Variants in DACH1 observed in about 807,000 individuals in gnomAD.
DACH1 encodes dachshund family transcription factor 1.
A neutral mutation model predicts 54.2 loss-of-function variants in DACH1; 12 were observed. The ratio of observed to expected loss-of-function variants is 0.22; its 90% CI spans 0.14 to 0.36. The LOEUF (loss-of-function observed/expected upper bound fraction) is 0.36. DACH1 is among the 10% of genes least tolerant of loss of function. DACH1 has a pLI of 1.00. For missense variants in DACH1, 805 were observed against 929.8 expected (o/e 0.87, Z 1.75); for synonymous variants, 386 against 366.2 (o/e 1.05, Z -0.62).
chr13:71,806,680 T>C (rs1253112274), intron 1 of DACH1, among the ~76,000 whole-genome samples: 13 of 152,200 alleles, frequency 8.5e-5, no homozygotes, highest in Admixed American at 8.5e-4. Flanking sequence ...TGAACAGATT[T>C]CTCAAAGCTC....
intron 1 of DACH1, among the ~76,000 whole-genome samples, chr13:71,842,052 A>C (rs1315719843): frequency 6.6e-6 from 1 of 152,210 alleles, no homozygotes; most frequent in Non-Finnish European, 1.5e-5. Context: ...AGTATAGTGT[A>C]CTAAAGAGTG....
chr13:71,779,294 C>T (rs1102215), intron 1 of DACH1, among the ~76,000 whole-genome samples: 19 of 61,158 alleles, frequency 3.1e-4, no homozygotes, highest in African/African-American at 2.3e-3. Context: ...TATATATACA[C>T]ATATATATAT....
chr13:71,524,929 G>A (rs1190875532), intron 6 of DACH1, among the ~76,000 whole-genome samples: 1 of 152,088 alleles, frequency 6.6e-6, no homozygotes, highest in Non-Finnish European at 1.5e-5. Context: ...ATTACTGTGC[G>A]CAGGCATAAA....
chr13:71,665,559 G>A (rs185859407), intron 2 of DACH1, among the ~76,000 whole-genome samples: 298 of 152,062 alleles, frequency 2.0e-3, no homozygotes, highest in African/African-American at 6.8e-3. Context: ...TGACCAAAAC[G>A]CCTACTATGC....
intron 1 of DACH1, among the ~76,000 whole-genome samples, chr13:71,814,555 T>G (rs1887837561): frequency 6.6e-6 from 1 of 152,214 alleles, no homozygotes; most frequent in South Asian, 2.1e-4. Flanking sequence ...TTTTAAAGCA[T>G]TAAAGGACTG....
At chr13:71,756,198 T>A (rs997634636) in intron 1 of DACH1, among the ~76,000 whole-genome samples, 1 of 150,496 alleles carries the variant, frequency 6.6e-6, no homozygotes, top group East Asian at 2.0e-4. Flanking sequence ...ACTCGGCTAA[T>A]TTTTTTTTCT....
chr13:71,605,466 A>G (rs1219719664), intron 3 of DACH1, among the ~76,000 whole-genome samples: 1 of 151,862 alleles, frequency 6.6e-6, no homozygotes, highest in Non-Finnish European at 1.5e-5. Flanking sequence ...TGAATAATAT[A>G]CCAAGTTTTA....
intron 1 of DACH1, among the ~76,000 whole-genome samples, chr13:71,759,372 T>TC (rs1361735788): frequency 3.3e-5 from 5 of 151,442 alleles, no homozygotes; most frequent in Admixed American, 6.6e-5. Flanking sequence ...TTAAGTTCAT[T>TC]CCCCCCAACC....
chr13:71,507,952 T>C (rs893827320), intron 6 of DACH1, among the ~76,000 whole-genome samples: 4 of 152,184 alleles, frequency 2.6e-5, no homozygotes, highest in Admixed American at 2.6e-4. Context: ...AATCTGTTCA[T>C]CCTATTATTT....
intron 1 of DACH1, among the ~76,000 whole-genome samples, chr13:71,807,849 C>A (rs1887571637): frequency 6.6e-6 from 1 of 152,116 alleles, no homozygotes; most frequent in African/African-American, 2.4e-5. Flanking sequence ...TTTTCTATGT[C>A]CAATTGACAC....
intron 6 of DACH1, among the ~76,000 whole-genome samples, chr13:71,512,642 T>C (rs1174190260): frequency 6.6e-6 from 1 of 151,992 alleles, no homozygotes; most frequent in Non-Finnish European, 1.5e-5. Context: ...CAATATAGTG[T>C]TGTCAGATCC....
rs554640781 is a variant in DACH1, at chr13:71,721,182, A to G, written c.849-39272T>C. Among the ~76,000 whole-genome samples the G allele has an allele frequency of 6.6e-5, 10 of 152,284 alleles. No homozygotes were observed. In the South Asian group the frequency reaches 1.7e-3, roughly 25 times the overall value. ...TTCAGATATTGAGCCTGATGCCCTC[A>G]TAATACATTTGCCTAACACCACAGT... On this transcript the variant is annotated intron_variant, in intron 1 of 10. Coordinates refer to ENST00000613252, the MANE Select transcript of DACH1 (RefSeq NM_080759.6).
chr13:71,784,225 GT>G (rs1156614017), intron 1 of DACH1, among the ~76,000 whole-genome samples: 1 of 152,018 alleles, frequency 6.6e-6, no homozygotes, highest in Non-Finnish European at 1.5e-5. Flanking sequence ...GTTTTAAGAT[GT>G]TTTCTAACTT....
At chr13:71,821,456 T>TTTTAAA (rs1290009032) in intron 1 of DACH1, among the ~76,000 whole-genome samples, 2 of 148,736 alleles carry the variant, frequency 1.3e-5, no homozygotes, top group African/African-American at 5.1e-5. Context: ...AATTCTAAGA[T>TTTTAAA]TTTAAATTTA....
At chr13:71,704,064 G>A (rs1434589668) in intron 1 of DACH1, 1 of 156,354 alleles carries the variant, frequency 6.4e-6, no homozygotes, top group Non-Finnish European at 1.4e-5. Flanking sequence ...AAATAAGGAA[G>A]TGTAGAGACA....
intron 1 of DACH1, among the ~76,000 whole-genome samples, chr13:71,756,094 G>A (rs750773550): frequency 6.6e-6 from 1 of 151,902 alleles, no homozygotes; most frequent in Non-Finnish European, 1.5e-5. Flanking sequence ...GCGGTAGCCC[G>A]ATCTCGGCTC....
chr13:71,451,661 AT>A, intron 10 of DACH1, among the ~76,000 whole-genome samples: 1 of 152,328 alleles, frequency 6.6e-6, no homozygotes, highest in Non-Finnish European at 1.5e-5. Context: ...TTTATAAATT[AT>A]TTTTAAAAGA....
intron 6 of DACH1, among the ~76,000 whole-genome samples, chr13:71,525,807 T>C (rs1881915771): frequency 6.6e-6 from 1 of 152,144 alleles, no homozygotes; most frequent in Non-Finnish European, 1.5e-5. Context: ...AGCTTAAAGA[T>C]TGGAAACTTG....
At chr13:71,779,255 G>T (rs540527910) in intron 1 of DACH1, among the ~76,000 whole-genome samples, 2 of 60,066 alleles carry the variant, frequency 3.3e-5, no homozygotes, top group African/African-American at 9.8e-5. Context: ...ACGTATATAC[G>T]TATATATGTG....
Sources: allele counts gnomAD v4.1 joint callset (sites outside exome capture counted in the v4.1 genomes callset), GRCh38; gene constraint gnomAD v4.1.1; transcripts MANE v1.5; gene names NCBI Gene and HGNC (gene_info 2026-07-23, HGNC 2026-07-21).